SORCS1: variants seen among roughly 807,000 people sequenced by gnomAD.
SORCS1 encodes the protein VPS10 domain-containing receptor SorCS1.
A neutral mutation model predicts 146.1 loss-of-function variants in SORCS1; 60 were observed. The observed-to-expected ratio is 0.41, with a 90% CI of 0.33 to 0.51. The LOEUF (loss-of-function observed/expected upper bound fraction) is 0.51. Among genes scored for constraint, SORCS1 ranks in the 20% least tolerant of loss-of-function variants. The pLI is 0.21. For synonymous variants in SORCS1, 637 were observed against 584.0 expected, an observed-to-expected ratio of 1.09 and a Z score of -1.31; for missense variants, 1,352 against 1,487.6, an observed-to-expected ratio of 0.91 and a Z score of 1.50.
chr10:106,616,882 T>C (rs544094984), intron 21 of SORCS1, among the ~76,000 whole-genome samples: 13 of 151,730 alleles, frequency 8.6e-5, no homozygotes, highest in Admixed American at 3.3e-4. Context: ...CAAAATCAAC[T>C]GATAAGGGAA....
intron 6 of SORCS1, among the ~76,000 whole-genome samples, chr10:106,723,948 G>A (rs1855962604): frequency 6.6e-6 from 1 of 152,004 alleles, no homozygotes; most frequent in Non-Finnish European, 1.5e-5. Context: ...GTTATTAAAA[G>A]ATTAAAAAAC....
Position 107,052,363 on chromosome 10 carries a change from A to G in SORCS1, c.559-95783T>C, listed in dbSNP as rs766998102. Among the ~76,000 whole-genome samples the G allele has an allele frequency of 2.6e-5, 4 of 152,176 alleles. No individual in the cohort carries two copies. The East Asian group carries it at 7.7e-4, about 29-fold the overall frequency. On this transcript the variant is annotated intron_variant, in intron 1 of 25. Coordinates refer to ENST00000263054, the MANE Select transcript of SORCS1 (RefSeq NM_052918.5). ...CTCAGGTAACTGAACCTTGAGAGGT[A>G]TCACTCACTGCTTCTAAGAAAAGTG...
intron 2 of SORCS1, among the ~76,000 whole-genome samples, chr10:106,950,316 A>C (rs913510536): frequency 4.6e-5 from 7 of 152,226 alleles, no homozygotes; most frequent in African/African-American, 1.7e-4. Flanking sequence ...ATATCCAGCA[A>C]GGCTTACAGC....
intron 10 of SORCS1, among the ~76,000 whole-genome samples, chr10:106,681,225 T>C (rs1473747159): frequency 6.6e-6 from 1 of 152,178 alleles, no homozygotes; most frequent in Non-Finnish European, 1.5e-5. Context: ...AACACTCAGA[T>C]GATGTAAGAC....
chr10:106,879,245 G>A (rs531730378), intron 2 of SORCS1, among the ~76,000 whole-genome samples: 1 of 151,972 alleles, frequency 6.6e-6, no homozygotes, highest in South Asian at 2.1e-4. Context: ...CACTGCTCAC[G>A]GAACTTGCCA....
intron 1 of SORCS1, among the ~76,000 whole-genome samples, chr10:107,132,497 G>A (rs931563379): frequency 1.3e-5 from 2 of 152,102 alleles, no homozygotes; most frequent in Non-Finnish European, 2.9e-5. Context: ...ACCCATCATG[G>A]TGGCAAGCAA....
the SORCS1 span, among the ~76,000 whole-genome samples, chr10:107,180,943 G>A: frequency 6.6e-6 from 1 of 152,240 alleles, no homozygotes; most frequent in South Asian, 2.1e-4. Flanking sequence ...ACTGAATACT[G>A]TAGGCAATTC....
At chr10:106,906,800 A>G (rs965245261) in intron 2 of SORCS1, among the ~76,000 whole-genome samples, 12 of 152,194 alleles carry the variant, frequency 7.9e-5, no homozygotes, top group African/African-American at 2.9e-4. Context: ...CATAAATTAA[A>G]TGTTCTGCTT....
rs553497623 is a variant in SORCS1, at chr10:106,578,582, A to C, written c.3371+787T>G. On this transcript the variant is annotated intron_variant, in intron 25 of 25. Coordinates refer to ENST00000263054, the MANE Select transcript of SORCS1 (RefSeq NM_052918.5). ...ACCAATAGATGTAAAAAAAAAAAAAATTCCCTGGAGGATCAGGCTGGCCAC... is the reference window on the plus strand; with the variant it reads ...ACCAATAGATGTAAAAAAAAAAAAACTTCCCTGGAGGATCAGGCTGGCCAC... 1.1e-5 allele frequency: 10 copies of C among 901,564 alleles called. No homozygotes were observed. The East Asian group carries it at 1.2e-3, about 108-fold the overall frequency. 55.8% of individuals were successfully genotyped at this position (901,564 alleles called of 1,614,324 possible).
At chr10:107,130,823 A>G (rs185193046) in intron 1 of SORCS1, among the ~76,000 whole-genome samples, 2 of 152,116 alleles carry the variant, frequency 1.3e-5, no homozygotes, top group Non-Finnish European at 2.9e-5. Flanking sequence ...CCATTTTTCA[A>G]TGTACAATCC....
chr10:107,115,608 T>G (rs551553646), intron 1 of SORCS1, among the ~76,000 whole-genome samples: 7 of 152,164 alleles, frequency 4.6e-5, no homozygotes, highest in African/African-American at 1.7e-4. Flanking sequence ...CAAAATGGAT[T>G]AAAAACTTCA....
At chr10:107,023,892 A>G (rs1958266057) in intron 1 of SORCS1, among the ~76,000 whole-genome samples, 1 of 152,196 alleles carries the variant, frequency 6.6e-6, no homozygotes, top group African/African-American at 2.4e-5. Flanking sequence ...AAGAGAAACA[A>G]AAAGAAAAGA....
At position 106,611,779 on chromosome 10, in the gene SORCS1, C is replaced by T. The variant is rs1564775223; in HGVS notation, c.3033+132G>A. 6 of 704,538 alleles carry T rather than the reference C, an allele frequency of 8.5e-6. No individual in the cohort carries two copies. The South Asian group carries it at 9.4e-5, about 11-fold the overall frequency. The allele number at this position is 704,538 out of a possible 1,614,324, so 43.6% of individuals were successfully genotyped here. ...CAGCTTTGCAGACATCAGGCCAGAA[C>T]TTCCCATGGGCTCTAGCTTCTTCCT... On this transcript the variant is annotated intron_variant, in intron 22 of 25. Coordinates refer to ENST00000263054, the MANE Select transcript of SORCS1 (RefSeq NM_052918.5).
At chr10:106,849,973 C>G (rs1254563669) in intron 2 of SORCS1, among the ~76,000 whole-genome samples, 1 of 152,140 alleles carries the variant, frequency 6.6e-6, no homozygotes, top group Non-Finnish European at 1.5e-5. Flanking sequence ...GCTGGAAGAA[C>G]CACTGCTGTC....
chr10:106,832,679 T>C (rs541948825), intron 2 of SORCS1, among the ~76,000 whole-genome samples: 14 of 152,280 alleles, frequency 9.2e-5, no homozygotes, highest in African/African-American at 3.1e-4. Flanking sequence ...ATGCAAAATC[T>C]ACCTGGGGGC....
intron 1 of SORCS1, among the ~76,000 whole-genome samples, chr10:106,992,923 C>G (rs1324456711): frequency 2.0e-5 from 3 of 148,850 alleles, no homozygotes; most frequent in Admixed American, 6.7e-5. Context: ...CCTCTGCCTC[C>G]CTGGTTCAAG....
At chr10:107,106,205 A>G (rs1965291298) in intron 1 of SORCS1, among the ~76,000 whole-genome samples, 1 of 152,204 alleles carries the variant, frequency 6.6e-6, no homozygotes, top group South Asian at 2.1e-4. Context: ...CACTCTTAAG[A>G]GTGTATTATA....
At chr10:106,977,286 TC>T (rs1956068727) in intron 1 of SORCS1, among the ~76,000 whole-genome samples, 1 of 152,232 alleles carries the variant, frequency 6.6e-6, no homozygotes, top group Non-Finnish European at 1.5e-5. Flanking sequence ...TCTCTAATGA[TC>T]CATGATGATG....
chr10:106,651,481 C>T (rs910050693), intron 18 of SORCS1, among the ~76,000 whole-genome samples: 1 of 152,172 alleles, frequency 6.6e-6, no homozygotes. Context: ...TTTCCAAATG[C>T]TCTCCAGGTG....
Sources: gnomAD v4.1 joint callset for allele counts (sites outside exome capture counted in the v4.1 genomes callset) on GRCh38, gnomAD v4.1.1 for gene constraint, MANE v1.5 for transcripts, NCBI Gene and HGNC (gene_info 2026-07-23, HGNC 2026-07-21) for gene names.